SPAG16: variants seen among roughly 807,000 people sequenced by gnomAD.
SPAG16 encodes the protein sperm associated antigen 16.
Under a neutral mutation model 80.4 loss-of-function variants are expected in SPAG16, and 86 were observed. That is an observed-to-expected ratio of 1.07 (90% CI 0.90 to 1.28). The LOEUF (loss-of-function observed/expected upper bound fraction) is 1.28, where lower values mean the gene tolerates loss of function less well. Among genes scored for constraint, SPAG16 ranks in the 50% most tolerant of loss-of-function variants. The probability of loss-of-function intolerance (pLI) is 0.00; values close to 1 mark genes in which losing one functional copy is unlikely to be tolerated. For synonymous variants in SPAG16, 294 were observed against 265.9 expected, an observed-to-expected ratio of 1.11 and a Z score of -1.03; for missense variants, 870 against 765.3, an observed-to-expected ratio of 1.14 and a Z score of -1.61.
intron 9 of SPAG16, among the ~76,000 whole-genome samples, chr2:213,382,767 C>G (rs1047057761): frequency 1.8e-4 from 28 of 152,174 alleles, no homozygotes; most frequent in Non-Finnish European, 2.9e-4. Flanking sequence ...CTTGCCACTT[C>G]CTGCTCATCA....
intron 15 of SPAG16, among the ~76,000 whole-genome samples, chr2:214,174,070 G>A (rs575254906): frequency 2.6e-5 from 4 of 152,036 alleles, no homozygotes; most frequent in African/African-American, 7.2e-5. Flanking sequence ...TTGATGGGAC[G>A]TATCTCAAAA....
intron 5 of SPAG16, among the ~76,000 whole-genome samples, chr2:213,331,219 C>T (rs1286091935): frequency 6.6e-6 from 1 of 152,210 alleles, no homozygotes; most frequent in Non-Finnish European, 1.5e-5. Flanking sequence ...TGCAGCATGC[C>T]TGGGTCCTGA....
At chr2:213,866,073 C>T (rs1271277905) in intron 11 of SPAG16, among the ~76,000 whole-genome samples, 15 of 151,326 alleles carry the variant, frequency 9.9e-5, no homozygotes, top group Admixed American at 9.9e-4. Flanking sequence ...TAAAGTTTTA[C>T]CTTGCATGCC....
At chr2:213,954,559 A>T (rs535816156) in intron 12 of SPAG16, among the ~76,000 whole-genome samples, 50 of 152,284 alleles carry the variant, frequency 3.3e-4, no homozygotes, top group Non-Finnish European at 6.3e-4. Context: ...CAGGTTTGTT[A>T]CATAGATATA....
At chr2:214,100,699 T>C (rs575818653) in intron 13 of SPAG16, among the ~76,000 whole-genome samples, 1 of 152,164 alleles carries the variant, frequency 6.6e-6, no homozygotes, top group Non-Finnish European at 1.5e-5. Flanking sequence ...GCTCTATCCA[T>C]GGTCCTGCAA....
intron 8 of SPAG16, among the ~76,000 whole-genome samples, chr2:213,368,501 G>T: frequency 6.6e-6 from 1 of 152,076 alleles, no homozygotes; most frequent in Non-Finnish European, 1.5e-5. Context: ...TTGAAAACTG[G>T]CACAAGACAG....
intron 15 of SPAG16, among the ~76,000 whole-genome samples, chr2:214,309,237 G>T (rs555199656): frequency 3.3e-5 from 5 of 151,826 alleles, no homozygotes; most frequent in Non-Finnish European, 5.9e-5. Flanking sequence ...TTCTGTCAGG[G>T]TGGCTATGTT....
At chr2:214,381,602 A>G (rs1438078817) in intron 15 of SPAG16, among the ~76,000 whole-genome samples, 1 of 152,186 alleles carries the variant, frequency 6.6e-6, no homozygotes, top group African/African-American at 2.4e-5. Flanking sequence ...ATTCTTCACA[A>G]ATTCTGATGC....
Position 213,383,335 on chromosome 2 carries a change from C to G in SPAG16, c.942+8216C>G, listed in dbSNP as rs544207435. Reference sequence around the variant, plus strand: ...GCTAAGATTGCAGAGTATTTAGTATCTTGCTGACCCCTCTTGACTTATCTT... The same window carrying G: ...GCTAAGATTGCAGAGTATTTAGTATGTTGCTGACCCCTCTTGACTTATCTT... On this transcript the variant is annotated intron_variant, in intron 9 of 15. Transcript: ENST00000331683. 2.2e-4 allele frequency among the ~76,000 whole-genome samples: 34 copies of G among 152,152 alleles called. No homozygotes were observed. The South Asian group carries it at 4.1e-3, about 19-fold the overall frequency.
intron 9 of SPAG16, among the ~76,000 whole-genome samples, chr2:213,427,640 G>A (rs956730869): frequency 6.6e-6 from 1 of 152,108 alleles, no homozygotes; most frequent in Non-Finnish European, 1.5e-5. Context: ...TAAATTTTAG[G>A]TGGAACAGAA....
intron 5 of SPAG16, among the ~76,000 whole-genome samples, chr2:213,329,413 G>C (rs1256396345): frequency 6.6e-6 from 1 of 152,166 alleles, no homozygotes; most frequent in Non-Finnish European, 1.5e-5. Context: ...TTGGGAACTG[G>C]AGCAAAGGTG....
chr2:214,261,107 C>CAAA (rs558534808), intron 15 of SPAG16, among the ~76,000 whole-genome samples: 2 of 54,470 alleles, frequency 3.7e-5, no homozygotes, highest in African/African-American at 1.5e-4. Flanking sequence ...GACTCAGTCT[C>CAAA]AAAAAAAAAA....
At chr2:213,422,230 G>A (rs1261509736) in intron 9 of SPAG16, 5 of 701,696 alleles carry the variant, frequency 7.1e-6, no homozygotes, top group Non-Finnish European at 1.3e-5. Flanking sequence ...TTGGGGCTGT[G>A]CAGTTTCAGA....
intron 15 of SPAG16, chr2:214,239,140 C>T (rs543143964): frequency 6.6e-6 from 1 of 152,226 alleles, no homozygotes; most frequent in East Asian, 1.9e-4. Context: ...AAGTAATTCT[C>T]CTCCTTTAGC....
At chr2:213,567,878 A>G in intron 10 of SPAG16, among the ~76,000 whole-genome samples, 1 of 28,010 alleles carries the variant, frequency 3.6e-5, no homozygotes. Context: ...ATTTCTCCGC[A>G]TCCTCTCCAG....
intron 10 of SPAG16, among the ~76,000 whole-genome samples, chr2:213,674,381 T>C (rs115976339): frequency 0.013 from 1,974 of 151,362 alleles, 19 homozygotes; most frequent in South Asian, 0.037. Flanking sequence ...TTTTTTTTTT[T>C]CATTATTTTT....
chr2:214,410,029 AAC>A, intron 15 of SPAG16, 109 bp from the exon 16 acceptor site: 1 of 1,213,660 alleles, frequency 8.2e-7, no homozygotes, highest in Admixed American at 2.0e-5. Context: ...ACTGACCCCT[AAC>A]ACAGAATGAT....
chr2:213,588,808 CAAAAAAAAAAAAAAAAAAAAAAAA>C (rs59813410), intron 10 of SPAG16, among the ~76,000 whole-genome samples: 1 of 28,952 alleles, frequency 3.5e-5, no homozygotes, highest in African/African-American at 1.2e-4. Context: ...GACTCCGTCT[CAAAAAAAAAAAAAAAAAAAAAAAA>C]AAAAAAAAAA....
intron 15 of SPAG16, among the ~76,000 whole-genome samples, chr2:214,343,216 TG>T (rs1697826277): frequency 6.6e-6 from 1 of 152,148 alleles, no homozygotes. Context: ...ATCTTATATA[TG>T]GAGGAATTAA....
Sources: allele counts gnomAD v4.1 joint callset (sites outside exome capture counted in the v4.1 genomes callset), GRCh38; gene constraint gnomAD v4.1.1; transcripts MANE v1.5; gene names NCBI Gene and HGNC (gene_info 2026-07-23, HGNC 2026-07-21).